TALDO1: variants seen among roughly 807,000 people sequenced by gnomAD.
TALDO1 encodes the protein transaldolase 1, also known as transaldolase.
A neutral mutation model predicts 38.1 loss-of-function variants in TALDO1; 29 were observed. The ratio of observed to expected loss-of-function variants is 0.76; its 90% CI spans 0.57 to 1.04. TALDO1 has a LOEUF of 1.04. TALDO1 is among the 50% of genes least tolerant of loss of function. TALDO1 has a pLI of 0.00. For missense variants in TALDO1, 499 were observed against 438.1 expected (o/e 1.14, Z -1.24); for synonymous variants, 207 against 176.8 (o/e 1.17, Z -1.36).
intron 1 of TALDO1, 92 bp downstream of exon 1, chr11:747,670 A>G (rs1862684692): frequency 8.4e-7 from 1 of 1,189,794 alleles, no homozygotes; most frequent in Non-Finnish European, 1.2e-6. Context: ...CGGGACGCGG[A>G]CCGGGTGGCG....
rs1863011233 is a variant in TALDO1, at chr11:764,361, G to A, written c.909G>A (p.Met303Ile). The change falls in exon 7 of 8, where the codon ATG becomes ATA. Residue 303 changes from methionine (M) to isoleucine (I), a missense_variant. Coordinates refer to ENST00000319006, the MANE Select transcript of TALDO1 (RefSeq NM_006755.2). ...GTTGGTTGCACAACGAGGACCAGAT[G>A]GCTGTGGAGAAGCTCTCTGACGGGA... ...SFRWLHNEDQ[M>I]AVEKLSDGIR... The A allele has an allele frequency of 1.9e-6, 3 of 1,614,274 alleles. No homozygotes were observed. Among genetic ancestry groups the A allele is most frequent in the Non-Finnish European group, 2.5e-6 (3 of 1,180,048 alleles).
At chr11:759,915 C>T (rs1862902054) in intron 3 of TALDO1, among the ~76,000 whole-genome samples, 1 of 152,154 alleles carries the variant, frequency 6.6e-6, no homozygotes, top group Non-Finnish European at 1.5e-5. Flanking sequence ...CCTATGGATC[C>T]CACTGAGGAC....
At chr11:750,174 A>G (rs1226010511) in intron 1 of TALDO1, among the ~76,000 whole-genome samples, 1 of 152,106 alleles carries the variant, frequency 6.6e-6, no homozygotes, top group Admixed American at 6.6e-5. Context: ...TCCCATTGTC[A>G]CTGAGATCCC....
At chr11:755,613 A>T in intron 1 of TALDO1, 1 of 497,062 alleles carries the variant, frequency 2.0e-6, no homozygotes, top group East Asian at 3.8e-5. Context: ...CGCACCGCTC[A>T]CTCCCATGCT....
Position 755,989 on chromosome 11 carries a change from C to T in TALDO1, c.208C>T (p.Arg70Trp), listed in dbSNP as rs771652130. The change falls in exon 2 of 8, where the codon CGG (arginine) becomes TGG (tryptophan). Residue 70 changes from arginine (R) to tryptophan (W), a missense_variant. Physicochemically the swap from Arg to Trp is moderately radical, Grantham distance 101. Coordinates refer to ENST00000319006, the MANE Select transcript of TALDO1 (RefSeq NM_006755.2). Reference protein sequence around the residue: ...ELVEEAIAYGRKLGGSQEDQI... With the variant: ...ELVEEAIAYGWKLGGSQEDQI... ...GGTGGAGGAGGCGATTGCCTATGGC[C>T]GGAAGCTGGGCGGGTGAGTGCCTGG... The T allele has an allele frequency of 3.9e-5, 63 of 1,613,128 alleles. No individual in the cohort carries two copies. Among genetic ancestry groups the T allele is most frequent in the Middle Eastern group, 1.8e-4 (1 of 5,694 alleles).
At chr11:748,294 C>T (rs912050987) in intron 1 of TALDO1, among the ~76,000 whole-genome samples, 1 of 152,238 alleles carries the variant, frequency 6.6e-6, no homozygotes, top group Non-Finnish European at 1.5e-5. Context: ...GCTGGACAGC[C>T]ACCGCCAGAC....
At chr11:749,401 C>CAA (rs374829411) in intron 1 of TALDO1, among the ~76,000 whole-genome samples, 54,726 of 110,604 alleles carry the variant, frequency 0.49, 13,870 homozygotes, top group East Asian at 0.6. Context: ...AACTCCGTCT[C>CAA]AAAAAAAAAA....
At chr11:761,962 G>T (rs947371788) in intron 4 of TALDO1, among the ~76,000 whole-genome samples, 3 of 151,110 alleles carry the variant, frequency 2.0e-5, no homozygotes, top group Non-Finnish European at 4.4e-5. Flanking sequence ...TCATTTGTGT[G>T]TTTTTTTGTT....
At position 759,055 on chromosome 11, in the gene TALDO1, A is replaced by T. The variant is rs761656906; in HGVS notation, c.327A>T (p.Ala109=). ...GCCGAGTATCCACAGAAGTAGACGC[A>T]AGGTAAGGATGCTTGCTCCTGCACT... The part of the protein sequence containing the change: ...IPGRVSTEVD[A]RLSFDKDAMV... The change falls in exon 3 of 8, where the codon GCA becomes GCT. Residue 109 remains alanine, a splice_region_variant and synonymous_variant. Coordinates refer to ENST00000319006, the MANE Select transcript of TALDO1 (RefSeq NM_006755.2). The T allele has an allele frequency of 9.9e-6, 16 of 1,610,992 alleles. No individual in the cohort carries two copies. The Admixed American group carries it at 1.3e-4, about 13-fold the overall frequency.
intron 2 of TALDO1, among the ~76,000 whole-genome samples, chr11:758,641 G>T (rs1022386706): frequency 4.0e-5 from 6 of 150,838 alleles, no homozygotes; most frequent in Admixed American, 6.6e-5. Flanking sequence ...GTCTCGCTCT[G>T]TCGCTCAGGC....
chr11:763,472 A>G lies in TALDO1; in HGVS notation c.590A>G (p.His197Arg). 6.2e-7 allele frequency: 1 copy of G among 1,613,508 alleles called. No homozygotes were observed. Among genetic ancestry groups the G allele is most frequent in the East Asian group, 2.2e-5 (1 of 44,844 alleles). Reference sequence around the variant, plus strand: ...TTTGTTGGGCGCATCCTTGATTGGCATGTGGCAAACACCGACAAGAAATCC... The same window carrying G: ...TTTGTTGGGCGCATCCTTGATTGGCGTGTGGCAAACACCGACAAGAAATCC... Reference protein sequence around the residue: ...SPFVGRILDWHVANTDKKSYE... With the variant: ...SPFVGRILDWRVANTDKKSYE... Residue 197 changes from histidine to arginine, a missense_variant, in exon 5 of 8, where the codon CAT (histidine) becomes CGT (arginine). His to Arg is a conservative substitution (Grantham distance 29, BLOSUM62 0). Coordinates refer to ENST00000319006, the MANE Select transcript of TALDO1 (RefSeq NM_006755.2).
At chr11:760,464 G>A in intron 4 of TALDO1, 1 of 670,700 alleles carries the variant, frequency 1.5e-6, no homozygotes, top group South Asian at 1.8e-5. Context: ...GATCAGAAAT[G>A]AGGGATTTCC....
chr11:755,777 T>C (rs1448783028), intron 1 of TALDO1, 102 bp from the exon 2 acceptor site: 1 of 1,574,130 alleles, frequency 6.4e-7, no homozygotes, highest in East Asian at 2.2e-5. Flanking sequence ...GGAAATGCTC[T>C]GGACTCCCCT....
intron 6 of TALDO1, 61 bp from the exon 7 acceptor site, chr11:764,227 C>T: frequency 1.9e-6 from 3 of 1,613,446 alleles, no homozygotes; most frequent in South Asian, 1.1e-5. Context: ...GCCCTGAGCC[C>T]AAGGGGCCAA....
chr11:758,943 A>G lies in TALDO1; in HGVS notation c.222-7A>G. ...TCTAACCTGCTTTTTTTCCCTTTGA[A>G]TTTCAGGTCACAAGAGGACCAGATT... On this transcript the variant is annotated splice_polypyrimidine_tract_variant and splice_region_variant and intron_variant, in intron 2 of 7. Coordinates refer to ENST00000319006, the MANE Select transcript of TALDO1 (RefSeq NM_006755.2). 1 of 1,606,794 alleles carries G rather than the reference A, an allele frequency of 6.2e-7. No individual in the cohort carries two copies. The highest frequency in any genetic ancestry group is 1.1e-5 in the South Asian group (1 of 90,850).
intron 4 of TALDO1, 190 bp downstream of exon 4, chr11:760,443 C>T (rs1862909202): frequency 1.3e-6 from 1 of 764,594 alleles, no homozygotes; most frequent in East Asian, 2.9e-5. Flanking sequence ...CCAGCTCCCT[C>T]ACTTGCTGGT....
intron 1 of TALDO1, among the ~76,000 whole-genome samples, chr11:755,463 T>G (rs1862819219): frequency 6.6e-6 from 1 of 152,186 alleles, no homozygotes; most frequent in Admixed American, 6.6e-5. Context: ...TTCTTGACTC[T>G]GTTGCAGCTG....
rs148205547 is a variant in TALDO1, at chr11:764,335, C to A, written c.883C>A (p.Arg295Ser). The change falls in exon 7 of 8, where the codon CGT becomes AGT. Residue 295 changes from arginine (R) to serine (S), a missense_variant. Arg to Ser is a moderately radical substitution (Grantham distance 110). Transcript: ENST00000319006. ...AATCCACCTGGATGAGAAGTCTTTCCGTTGGTTGCACAACGAGGACCAGAT... is the reference window on the plus strand; with the variant it reads ...AATCCACCTGGATGAGAAGTCTTTCAGTTGGTTGCACAACGAGGACCAGAT... Reference protein sequence around the residue: ...EKIHLDEKSFRWLHNEDQMAV... With the variant: ...EKIHLDEKSFSWLHNEDQMAV... 3.1e-6 allele frequency: 5 copies of A among 1,614,136 alleles called. No homozygotes were observed. In the South Asian group the frequency reaches 3.3e-5, roughly 11 times the overall value.
rs771865387 is a variant in TALDO1 at position 764,316 on chromosome 11, C to T, written c.864C>T (p.His288=). The T allele has an allele frequency of 6.2e-7, 1 of 1,614,226 alleles. No individual in the cohort carries two copies. The highest frequency in any genetic ancestry group is 1.1e-5 in the South Asian group (1 of 91,088). ...AAQASDLEKI[H]LDEKSFRWLH... is the part of the protein sequence containing the mutation. ...AAGCCAGTGACCTGGAAAAAATCCA[C>T]CTGGATGAGAAGTCTTTCCGTTGGT... The change falls in exon 7 of 8, where the codon CAC becomes CAT. Residue 288 remains histidine (H), a synonymous_variant. Coordinates refer to ENST00000319006, the MANE Select transcript of TALDO1 (RefSeq NM_006755.2).
Sources: gnomAD v4.1 joint callset for allele counts (sites outside exome capture counted in the v4.1 genomes callset) on GRCh38, gnomAD v4.1.1 for gene constraint, MANE v1.5 for transcripts, NCBI Gene and HGNC (gene_info 2026-07-23, HGNC 2026-07-21) for gene names.